The following FAM174B variants were observed in gnomAD, a reference collection of about 807,000 sequenced individuals.
FAM174B encodes the protein membrane protein FAM174B.
In FAM174B, 12 loss-of-function variants were observed where a neutral mutation model predicts 10.9. The ratio of observed to expected loss-of-function variants is 1.10; its 90% confidence interval spans 0.71 to 1.79. The LOEUF (loss-of-function observed/expected upper bound fraction) is 1.79, where lower values mean the gene tolerates loss of function less well. FAM174B is among the 40% of genes most tolerant of loss of function. FAM174B has a pLI of 0.00. For missense variants in FAM174B, 266 were observed against 233.3 expected, an observed-to-expected ratio of 1.14 and a Z score of -0.91; for synonymous variants, 132 against 115.8, an observed-to-expected ratio of 1.14 and a Z score of -0.90.
intron 1 of FAM174B, among the ~76,000 whole-genome samples, chr15:92,637,947 C>T (rs1294788750): frequency 6.6e-6 from 1 of 152,222 alleles, no homozygotes; most frequent in Non-Finnish European, 1.5e-5. Flanking sequence ...AGCCCAGTGC[C>T]CCCACGTCCA....
At chr15:92,652,751 G>A (rs959223812) in intron 1 of FAM174B, among the ~76,000 whole-genome samples, 2 of 152,146 alleles carry the variant, frequency 1.3e-5, no homozygotes, top group Non-Finnish European at 2.9e-5. Flanking sequence ...ACAGTCTCTT[G>A]GAGACTCAGG....
chr15:92,653,852 C>T lies in FAM174B; in HGVS notation c.344+1464G>A, dbSNP rs144188759. Among the ~76,000 whole-genome samples the T allele has an allele frequency of 2.5e-3, 374 of 152,368 alleles. 1 individual carries two copies. Among genetic ancestry groups the T allele is most frequent in the African/African-American group, 8.5e-3 (352 of 41,598 alleles). ...GCTCAGAAGCGCTGGTTGATGTCTG[C>T]GTTGCAGACGGGGGCCAGCTTGCAA... On this transcript the variant is annotated intron_variant, in intron 1 of 2. Transcript: ENST00000327355.
At chr15:92,647,122 G>A (rs545417985) in intron 1 of FAM174B, among the ~76,000 whole-genome samples, 1 of 152,342 alleles carries the variant, frequency 6.6e-6, no homozygotes, top group South Asian at 2.1e-4. Flanking sequence ...GCTTATCACA[G>A]AGTCCGTTAC....
chr15:92,650,675 G>A (rs1596303784), intron 1 of FAM174B, among the ~76,000 whole-genome samples: 1 of 152,328 alleles, frequency 6.6e-6, no homozygotes, highest in East Asian at 1.9e-4. Context: ...GGGGCAAAAG[G>A]TACTGATACC....
chr15:92,655,716 C>G lies in FAM174B; in HGVS notation c.-57G>C. On this transcript the variant is annotated 5_prime_UTR_variant, in exon 1 of 3. Transcript: ENST00000327355. ...GCGCGCGCGGCTGAGCTCCAGGATC[C>G]GCACCAGCACGGAGGCCTGCACCGG... The G allele has an allele frequency of 8.3e-7, 1 of 1,209,550 alleles. No individual in the cohort carries two copies. Among genetic ancestry groups the G allele is most frequent in the Non-Finnish European group, 1.0e-6 (1 of 970,840 alleles). The allele number at this position is 1,209,550 out of a possible 1,614,324, so 74.9% of individuals were successfully genotyped here.
At chr15:92,638,955 C>T (rs71412556) in intron 1 of FAM174B, among the ~76,000 whole-genome samples, 1,572 of 152,336 alleles carry the variant, frequency 0.01, 14 homozygotes, top group Non-Finnish European at 0.014. Context: ...GAGGCGACAA[C>T]CCTGAGTGCC....
At chr15:92,630,428 C>G in intron 1 of FAM174B, 83 bp from the exon 2 acceptor site, 1 of 1,322,636 alleles carries the variant, frequency 7.6e-7, no homozygotes. Context: ...GACCCGACAG[C>G]AACTTAGCAG....
At chr15:92,631,699 T>C (rs2050820103) in intron 1 of FAM174B, among the ~76,000 whole-genome samples, 2 of 150,420 alleles carry the variant, frequency 1.3e-5, no homozygotes, top group African/African-American at 4.9e-5. Context: ...AGATTTCGCC[T>C]GTTAGCCAGG....
intron 1 of FAM174B, among the ~76,000 whole-genome samples, chr15:92,638,178 T>G (rs887373094): frequency 1.1e-4 from 16 of 152,226 alleles, no homozygotes; most frequent in Non-Finnish European, 2.2e-4. Flanking sequence ...AAGTGGTCCT[T>G]TTATTAATAA....
At chr15:92,625,923 A>C (rs2050749415) in intron 2 of FAM174B, among the ~76,000 whole-genome samples, 1 of 152,160 alleles carries the variant, frequency 6.6e-6, no homozygotes, top group South Asian at 2.1e-4. Flanking sequence ...TTTCAACCAC[A>C]AACAGCACAA....
intron 1 of FAM174B, among the ~76,000 whole-genome samples, chr15:92,638,252 C>T (rs2050868395): frequency 6.6e-6 from 1 of 152,192 alleles, no homozygotes; most frequent in Admixed American, 6.5e-5. Flanking sequence ...AGAGATAAAG[C>T]ACCCTTCCAT....
At chr15:92,652,566 T>C (rs1192309239) in intron 1 of FAM174B, among the ~76,000 whole-genome samples, 1 of 151,416 alleles carries the variant, frequency 6.6e-6, no homozygotes, top group East Asian at 1.9e-4. Context: ...CAGGGAGGGG[T>C]AGAAGAAGGA....
chr15:92,642,483 T>G (rs562454192), intron 1 of FAM174B, among the ~76,000 whole-genome samples: 1 of 152,338 alleles, frequency 6.6e-6, no homozygotes, highest in East Asian at 1.9e-4. Context: ...AATCCCCATG[T>G]GTTGTGAGAG....
chr15:92,635,296 G>C (rs552500597), intron 1 of FAM174B, among the ~76,000 whole-genome samples: 2 of 152,196 alleles, frequency 1.3e-5, no homozygotes, highest in Non-Finnish European at 2.9e-5. Flanking sequence ...TAATGAGCTG[G>C]AGAAATTACA....
At chr15:92,641,188 T>C (rs1156633483) in intron 1 of FAM174B, among the ~76,000 whole-genome samples, 1 of 152,194 alleles carries the variant, frequency 6.6e-6, no homozygotes, top group African/African-American at 2.4e-5. Context: ...TTTTCACCTA[T>C]TAATTTAGCA....
intron 2 of FAM174B, among the ~76,000 whole-genome samples, chr15:92,624,337 G>A (rs1385451358): frequency 1.3e-5 from 2 of 152,194 alleles, no homozygotes; most frequent in Non-Finnish European, 2.9e-5. Context: ...CCAGGCAGCT[G>A]TCCATCTGCC....
At chr15:92,626,340 C>T (rs1337453938) in intron 2 of FAM174B, among the ~76,000 whole-genome samples, 4 of 152,044 alleles carry the variant, frequency 2.6e-5, no homozygotes, top group South Asian at 2.1e-4. Flanking sequence ...CCTCGTGATC[C>T]GCCCGCCTCG....
chr15:92,617,716 C>A lies in FAM174B; in HGVS notation c.*1740G>T. The A allele has an allele frequency of 1.5e-6, 1 of 680,938 alleles. No homozygotes were observed. The highest frequency in any genetic ancestry group is 1.5e-5 in the South Asian group (1 of 64,684). 42.2% of individuals were successfully genotyped at this position (680,938 alleles called of 1,614,324 possible). Reference sequence around the variant, plus strand: ...GAGGTGGCCAGGCTCCCGTGAGTCACCACTCAGGCCTGAGTACACCGTGGA... The same window carrying A: ...GAGGTGGCCAGGCTCCCGTGAGTCAACACTCAGGCCTGAGTACACCGTGGA... On this transcript the variant is annotated 3_prime_UTR_variant, in exon 3 of 3. Coordinates refer to ENST00000327355, the MANE Select transcript of FAM174B (RefSeq NM_207446.3).
rs1388232344 is a variant in FAM174B, at chr15:92,618,750, A to G, written c.*706T>C. On this transcript the variant is annotated 3_prime_UTR_variant, in exon 3 of 3. Transcript: ENST00000327355. The stretch of plus-strand genomic sequence containing the variant: ...CGTGCACACGCACACACGTGCACAC[A>G]CACACACACACACACGCACAGTTTT... 2.5e-5 allele frequency: 4 copies of G among 163,238 alleles called. No individual in the cohort carries two copies. The highest frequency in any genetic ancestry group is 1.8e-4 in the East Asian group (1 of 5,546). 10.1% of individuals were successfully genotyped at this position (163,238 alleles called of 1,614,324 possible).
Sources: gnomAD v4.1 joint callset for allele counts (sites outside exome capture counted in the v4.1 genomes callset) on GRCh38, gnomAD v4.1.1 for gene constraint, MANE v1.5 for transcripts, NCBI Gene and HGNC (gene_info 2026-07-23, HGNC 2026-07-21) for gene names.